Variants in ULK4 observed in about 807,000 individuals in gnomAD.
ULK4 encodes inactive serine/threonine-protein kinase ULK4.
A neutral mutation model predicts 160.6 loss-of-function variants in ULK4; 133 were observed. The observed-to-expected ratio is 0.83, with a 90% CI of 0.72 to 0.96. The LOEUF is 0.96. Ranked by LOEUF, ULK4 falls within the 40% of genes least tolerant of loss-of-function variation. The probability of loss-of-function intolerance (pLI) is 0.00; values close to 1 mark genes in which losing one functional copy is unlikely to be tolerated. For synonymous variants in ULK4, 534 were observed against 539.8 expected, an observed-to-expected ratio of 0.99 and a Z score of 0.15; for missense variants, 1,580 against 1,499.5, an observed-to-expected ratio of 1.05 and a Z score of -0.89.
At chr3:41,823,010 C>T (rs2041199646) in intron 18 of ULK4, among the ~76,000 whole-genome samples, 2 of 146,230 alleles carry the variant, frequency 1.4e-5, no homozygotes, top group South Asian at 4.3e-4. Flanking sequence ...GCATGAGCCA[C>T]CACGCCCGGC....
At chr3:41,435,115 T>G (rs374643739) in intron 34 of ULK4, among the ~76,000 whole-genome samples, 1 of 152,304 alleles carries the variant, frequency 6.6e-6, no homozygotes, top group Non-Finnish European at 1.5e-5. Flanking sequence ...CCTTCAAAAT[T>G]CACACTGACA....
In ULK4 at chr3:41,663,843, A is replaced by G. The variant is rs1335585530; in HGVS notation, c.2979-144T>C. The G allele has an allele frequency of 6.3e-6, 4 of 633,234 alleles. No individual in the cohort carries two copies. In the Admixed American group the frequency reaches 8.3e-5, roughly 13 times the overall value. 39.2% of individuals were successfully genotyped at this position (633,234 alleles called of 1,614,324 possible). ...TAAAGATTTAAGTAATTTACCTCTC[A>G]TGTGCCCCTTCTCAGAAAGTTACTG... On this transcript the variant is annotated intron_variant, in intron 29 of 36. Transcript: ENST00000301831.
chr3:41,956,798 T>C (rs1309593173), intron 1 of ULK4, among the ~76,000 whole-genome samples: 1 of 152,208 alleles, frequency 6.6e-6, no homozygotes, highest in Non-Finnish European at 1.5e-5. Context: ...GCCACACCCA[T>C]TCATTTATAT....
chr3:41,351,880 A>C (rs558084904), intron 35 of ULK4, among the ~76,000 whole-genome samples: 13 of 152,264 alleles, frequency 8.5e-5, no homozygotes, highest in African/African-American at 2.9e-4. Flanking sequence ...TGCTTCTAGG[A>C]CTGCATTCTC....
intron 31 of ULK4, among the ~76,000 whole-genome samples, chr3:41,575,152 A>T (rs964864500): frequency 1.3e-5 from 2 of 152,244 alleles, no homozygotes; most frequent in Non-Finnish European, 2.9e-5. Flanking sequence ...AGAAACAGGG[A>T]AGGGAACAAG....
chr3:41,954,751 G>C lies in ULK4; in HGVS notation c.9C>G (p.Asn3Lys), dbSNP rs771646382. The change falls in exon 2 of 37, where the codon AAC (asparagine) becomes AAG (lysine). Residue 3 changes from asparagine (N) to lysine (K), a missense_variant. Coordinates refer to ENST00000301831, the MANE Select transcript of ULK4 (RefSeq NM_017886.4). ME[N>K]FILYEEIGRG... ...TTCCGATCTCCTCATACAGAATAAA[G>C]TTTTCCATCTCTGGGCCGACTTCTC... The C allele has an allele frequency of 2.0e-5, 32 of 1,611,528 alleles. No individual in the cohort carries two copies. Among genetic ancestry groups the C allele is most frequent in the Non-Finnish European group, 2.7e-5 (32 of 1,179,184 alleles).
chr3:41,488,862 C>T (rs1055886209), intron 32 of ULK4, among the ~76,000 whole-genome samples: 1 of 152,052 alleles, frequency 6.6e-6, no homozygotes, highest in African/African-American at 2.4e-5. Context: ...GACTCTGGCA[C>T]AGGGGCATGA....
rs191259376 is a variant in ULK4 at position 41,829,946 on chromosome 3, C to G, written c.1764+5918G>C. 6.8e-3 allele frequency among the ~76,000 whole-genome samples: 1,038 copies of G among 151,834 alleles called. 13 individuals are homozygous for G. The highest frequency in any genetic ancestry group is 0.023 in the African/African-American group (960 of 41,222). On this transcript the variant is annotated intron_variant, in intron 18 of 36. Transcript: ENST00000301831. ...ATTAAGAAAATGTGGTACATATACA[C>G]CATGGAATACTATGCAGCCATAAAA...
At chr3:41,772,140 C>T (rs2039408068) in intron 21 of ULK4, among the ~76,000 whole-genome samples, 1 of 151,890 alleles carries the variant, frequency 6.6e-6, no homozygotes, top group Admixed American at 6.6e-5. Flanking sequence ...AAATTGACAC[C>T]CTATCACAAT....
Position 41,282,964 on chromosome 3 carries a change from C to T in ULK4, c.3679-33390G>A, listed in dbSNP as rs140814981. Among the ~76,000 whole-genome samples the T allele has an allele frequency of 7.5e-3, 1,145 of 152,042 alleles. 13 individuals carry two copies. The highest frequency in any genetic ancestry group is 0.026 in the African/African-American group (1,071 of 41,498). On this transcript the variant is annotated intron_variant, in intron 35 of 36. Transcript: ENST00000301831. ...TAAACAAATTTACAAGAAAAAACAA[C>T]CCCATCAAAAAGTTGGCAAATGATA...
chr3:41,511,541 G>A (rs938476168), intron 32 of ULK4, among the ~76,000 whole-genome samples: 11 of 152,114 alleles, frequency 7.2e-5, no homozygotes, highest in Non-Finnish European at 1.3e-4. Flanking sequence ...AAACCTAGAG[G>A]AGATGGATAA....
At chr3:41,493,798 C>T (rs1222720345) in intron 32 of ULK4, among the ~76,000 whole-genome samples, 1 of 147,574 alleles carries the variant, frequency 6.8e-6, no homozygotes, top group Non-Finnish European at 1.5e-5. Context: ...ATACTACAAA[C>T]ACCTCTACAC....
intron 2 of ULK4, among the ~76,000 whole-genome samples, chr3:41,940,778 T>C (rs1490987971): frequency 2.6e-5 from 4 of 152,214 alleles, no homozygotes; most frequent in African/African-American, 9.6e-5. Flanking sequence ...AAAGGAATCT[T>C]TACAATAAAC....
intron 29 of ULK4, among the ~76,000 whole-genome samples, chr3:41,681,002 A>C (rs1327678770): frequency 5.3e-5 from 8 of 152,140 alleles, no homozygotes; most frequent in Non-Finnish European, 1.0e-4. Context: ...CAATGAAGTA[A>C]AAGAATACAA....
At chr3:41,252,167 AT>A (rs1377673797) in intron 35 of ULK4, among the ~76,000 whole-genome samples, 3 of 152,220 alleles carry the variant, frequency 2.0e-5, no homozygotes, top group African/African-American at 7.2e-5. Flanking sequence ...AAAAATATCA[AT>A]ATTCTCTGTA....
chr3:41,718,130 TA>T (rs1228595277), intron 22 of ULK4, among the ~76,000 whole-genome samples: 1 of 152,194 alleles, frequency 6.6e-6, no homozygotes, highest in East Asian at 1.9e-4. Flanking sequence ...CTCCAGGTGA[TA>T]AATGAAAGAC....
At chr3:41,388,368 CTTTAG>C (rs1447275362) in intron 35 of ULK4, among the ~76,000 whole-genome samples, 1 of 151,854 alleles carries the variant, frequency 6.6e-6, no homozygotes, top group Non-Finnish European at 1.5e-5. Context: ...TGCAGAAGCT[CTTTAG>C]TTTAATTAGA....
chr3:41,900,596 A>C, intron 13 of ULK4, 129 bp downstream of exon 13: 1 of 768,526 alleles, frequency 1.3e-6, no homozygotes, highest in East Asian at 2.7e-5. Context: ...CATGCAGCAC[A>C]AATGACACAG....
intron 21 of ULK4, among the ~76,000 whole-genome samples, chr3:41,763,407 T>C (rs183194251): frequency 1.1e-3 from 165 of 152,080 alleles, no homozygotes; most frequent in African/African-American, 3.9e-3. Context: ...ATAGATAACT[T>C]ACTAGCTAAA....
Sources: gnomAD v4.1 joint callset for allele counts (sites outside exome capture counted in the v4.1 genomes callset) on GRCh38, gnomAD v4.1.1 for gene constraint, MANE v1.5 for transcripts, NCBI Gene and HGNC (gene_info 2026-07-23, HGNC 2026-07-21) for gene names.